Variants in GPHN observed in about 807,000 individuals in gnomAD.
GPHN encodes the protein gephyrin.
A neutral mutation model predicts 95.5 loss-of-function variants in GPHN; 17 were observed. The ratio of observed to expected loss-of-function variants is 0.18; its 90% CI spans 0.12 to 0.27. The LOEUF is 0.27. Ranked by LOEUF, GPHN falls within the 10% of genes least tolerant of loss-of-function variation. The pLI, the probability that GPHN is intolerant of heterozygous loss-of-function variation, is 1.00. For synonymous variants in GPHN, 320 were observed against 322.5 expected (o/e 0.99, Z 0.08); for missense variants, 660 against 978.1 (o/e 0.67, Z 4.34).
At chr14:67,347,643 G>C in the GPHN span, among the ~76,000 whole-genome samples, 1 of 151,896 alleles carries the variant, frequency 6.6e-6, no homozygotes, top group Non-Finnish European at 1.5e-5. Flanking sequence ...TGGGATTACA[G>C]GCATGCACCA....
chr14:66,919,995 G>A (rs1037384140), intron 6 of GPHN, among the ~76,000 whole-genome samples: 1 of 152,182 alleles, frequency 6.6e-6, no homozygotes, highest in Non-Finnish European at 1.5e-5. Flanking sequence ...GAACCCAGGA[G>A]GCGGAGGTTG....
chr14:67,505,464 G>A, the GPHN span, among the ~76,000 whole-genome samples: 2 of 152,200 alleles, frequency 1.3e-5, no homozygotes, highest in Non-Finnish European at 2.9e-5. Context: ...GAGGAGCCAA[G>A]GGAGACTGCT....
the GPHN span, among the ~76,000 whole-genome samples, chr14:67,268,007 CTAT>C: frequency 6.6e-6 from 1 of 152,068 alleles, no homozygotes; most frequent in African/African-American, 2.4e-5. Context: ...TGGTTTTAGA[CTAT>C]TATTAATATT....
At chr14:66,965,354 C>G (rs2069248295) in intron 9 of GPHN, 29 bp downstream of exon 9, 2 of 1,602,234 alleles carry the variant, frequency 1.2e-6, no homozygotes, top group Non-Finnish European at 1.7e-6. Context: ...CATCTTACAC[C>G]TGCTCTTCTA....
At chr14:66,901,238 T>C (rs2153547972) in intron 5 of GPHN, among the ~76,000 whole-genome samples, 1 of 152,194 alleles carries the variant, frequency 6.6e-6, no homozygotes, top group Middle Eastern at 3.4e-3. Flanking sequence ...TTGTTGTTGT[T>C]TTCTGTCAAG....
chr14:67,514,649 C>T, the GPHN span, among the ~76,000 whole-genome samples: 1 of 152,154 alleles, frequency 6.6e-6, no homozygotes, highest in Non-Finnish European at 1.5e-5. Context: ...GCCCTGGCTC[C>T]CCAGCTTCCA....
chr14:67,674,683 T>C, the GPHN span: 5 of 458,326 alleles, frequency 1.1e-5, no homozygotes, highest in African/African-American at 1.0e-4. Flanking sequence ...CAGTGATTGC[T>C]GGAGCGCCGG....
At chr14:67,469,742 C>T in the GPHN span, among the ~76,000 whole-genome samples, 2 of 152,192 alleles carry the variant, frequency 1.3e-5, no homozygotes, top group Non-Finnish European at 2.9e-5. Flanking sequence ...AAATGCACTT[C>T]TCCAACAAAA....
chr14:67,567,062 A>G, the GPHN span, among the ~76,000 whole-genome samples: 69 of 152,188 alleles, frequency 4.5e-4, no homozygotes, highest in Middle Eastern at 3.4e-3. Context: ...CCTGTTTGCA[A>G]TCCCCTTTGT....
chr14:67,042,671 C>T (rs893657010), intron 10 of GPHN, among the ~76,000 whole-genome samples: 2 of 152,156 alleles, frequency 1.3e-5, no homozygotes, highest in African/African-American at 4.8e-5. Flanking sequence ...GTGATGTCTC[C>T]AGCTTTGTTC....
At chr14:67,359,610 C>T in the GPHN span, 1 of 1,610,534 alleles carries the variant, frequency 6.2e-7, no homozygotes, top group Non-Finnish European at 8.5e-7. Context: ...GGACCGCGCT[C>T]CGGGTTCCTA....
chr14:67,557,044 T>C, the GPHN span, among the ~76,000 whole-genome samples: 1 of 152,342 alleles, frequency 6.6e-6, no homozygotes, highest in Admixed American at 6.5e-5. Context: ...ATCTCTCCAT[T>C]ACTAACTATG....
the GPHN span, chr14:67,392,601 T>C: frequency 6.8e-7 from 1 of 1,480,784 alleles, no homozygotes; most frequent in African/African-American, 1.4e-5. Flanking sequence ...CAGGCCCCCA[T>C]TCTGTTGTGT....
the GPHN span, among the ~76,000 whole-genome samples, chr14:67,451,021 T>A: frequency 1.3e-5 from 2 of 152,184 alleles, no homozygotes; most frequent in African/African-American, 2.4e-5. Context: ...TCCCAGCTGT[T>A]CTAGCCATGG....
chr14:67,088,408 T>C (rs548446738), intron 11 of GPHN, among the ~76,000 whole-genome samples: 1 of 152,302 alleles, frequency 6.6e-6, no homozygotes, highest in African/African-American at 2.4e-5. Context: ...GTTGTAAAAA[T>C]ATGTATCATA....
intron 3 of GPHN, among the ~76,000 whole-genome samples, chr14:66,815,911 C>T (rs1402944494): frequency 6.6e-6 from 1 of 151,608 alleles, no homozygotes. Context: ...TTCAAGAGAC[C>T]CATCTCACAT....
intron 11 of GPHN, among the ~76,000 whole-genome samples, chr14:67,067,592 G>T (rs748546735): frequency 5.9e-5 from 9 of 152,222 alleles, no homozygotes; most frequent in Non-Finnish European, 1.2e-4. Context: ...GCCTTGCTGA[G>T]CTGTGGTGAG....
intron 9 of GPHN, chr14:66,996,040 C>G: frequency 1.8e-6 from 1 of 565,742 alleles, no homozygotes; most frequent in East Asian, 3.0e-5. Flanking sequence ...TGTTTTCAAA[C>G]TCAAGTGTCT....
Position 67,143,396 on chromosome 14 carries a change from A to G in GPHN, c.1783A>G (p.Ile595Val). The G allele has an allele frequency of 6.2e-7, 1 of 1,610,896 alleles. No individual in the cohort carries two copies. The highest frequency in any genetic ancestry group is 2.2e-5 in the East Asian group (1 of 44,846). ...CTTACTCAATGCCTTGAATGAGGGT[A>G]TCAGTCGTGCTGATGTCATCATCAC... is the stretch of plus-strand genomic sequence containing the variant. ...DDLLNALNEG[I>V]SRADVIITSG... Residue 595 changes from isoleucine to valine, a missense_variant, in exon 18 of 23, where the codon ATC becomes GTC. Coordinates refer to ENST00000478722, the MANE Select transcript of GPHN (RefSeq NM_020806.5).
Sources: allele counts gnomAD v4.1 joint callset (sites outside exome capture counted in the v4.1 genomes callset), GRCh38; gene constraint gnomAD v4.1.1; transcripts MANE v1.5; gene names NCBI Gene and HGNC (gene_info 2026-07-23, HGNC 2026-07-21).